SSBP3: variants seen among roughly 807,000 people sequenced by gnomAD.
SSBP3 encodes the protein single-stranded DNA-binding protein 3.
In SSBP3, 5 loss-of-function variants were observed where a neutral mutation model predicts 69.6. The observed-to-expected ratio is 0.07, with a 90% CI of 0.04 to 0.15. The LOEUF (loss-of-function observed/expected upper bound fraction) is 0.15, where lower values mean the gene tolerates loss of function less well. Among genes scored for constraint, SSBP3 ranks in the 10% least tolerant of loss-of-function variants. The pLI, the probability that SSBP3 is intolerant of heterozygous loss-of-function variation, is 1.00. For missense variants in SSBP3, 312 were observed against 534.0 expected, an observed-to-expected ratio of 0.58 and a Z score of 4.10; for synonymous variants, 196 against 193.4, an observed-to-expected ratio of 1.01 and a Z score of -0.11.
At chr1:54,322,119 C>A (rs1211428371) in intron 4 of SSBP3, among the ~76,000 whole-genome samples, 1 of 152,172 alleles carries the variant, frequency 6.6e-6, no homozygotes, top group Non-Finnish European at 1.5e-5. Context: ...ATTTATGACA[C>A]CACTGTACAA....
chr1:54,242,065 C>T, intron 11 of SSBP3, 99 bp downstream of exon 11: 5 of 1,384,166 alleles, frequency 3.6e-6, no homozygotes, highest in Non-Finnish European at 3.0e-6. Context: ...CCTGCTGCAT[C>T]TCCCACTTCC....
At chr1:54,387,849 T>C (rs777259721) in intron 4 of SSBP3, among the ~76,000 whole-genome samples, 3 of 152,232 alleles carry the variant, frequency 2.0e-5, no homozygotes, top group South Asian at 2.1e-4. Flanking sequence ...ACAGGTACCC[T>C]TGCTGCACTC....
At chr1:54,362,787 C>A (rs567901855) in intron 4 of SSBP3, among the ~76,000 whole-genome samples, 2 of 152,204 alleles carry the variant, frequency 1.3e-5, no homozygotes, top group Admixed American at 6.5e-5. Flanking sequence ...CTGAGCCACA[C>A]GCTAGACTGC....
chr1:54,348,959 G>A (rs1045243100), intron 4 of SSBP3, among the ~76,000 whole-genome samples: 1 of 152,188 alleles, frequency 6.6e-6, no homozygotes, highest in Admixed American at 6.5e-5. Context: ...GCCAGAACCA[G>A]GCTAAAAACC....
At chr1:54,309,118 G>A (rs1437471140) in intron 4 of SSBP3, among the ~76,000 whole-genome samples, 1 of 152,176 alleles carries the variant, frequency 6.6e-6, no homozygotes. Flanking sequence ...CAAGCAAACG[G>A]AACACACCAA....
At chr1:54,249,064 C>A (rs1197088968) in intron 9 of SSBP3, among the ~76,000 whole-genome samples, 1 of 152,088 alleles carries the variant, frequency 6.6e-6, no homozygotes, top group Admixed American at 6.5e-5. Flanking sequence ...GCCGCTGGGA[C>A]CCTCACTTCT....
intron 4 of SSBP3, among the ~76,000 whole-genome samples, chr1:54,386,929 C>T (rs1319529275): frequency 2.0e-5 from 3 of 151,742 alleles, no homozygotes; most frequent in Admixed American, 2.0e-4. Flanking sequence ...AACAGGAGTC[C>T]CCTCCTTCTT....
At chr1:54,248,236 T>C (rs2100691545) in intron 9 of SSBP3, among the ~76,000 whole-genome samples, 1 of 152,312 alleles carries the variant, frequency 6.6e-6, no homozygotes, top group Non-Finnish European at 1.5e-5. Context: ...GTGTGTGTTG[T>C]GGTGCTTACT....
chr1:54,322,196 GACCA>G (rs1646225333), intron 4 of SSBP3, among the ~76,000 whole-genome samples: 1 of 152,180 alleles, frequency 6.6e-6, no homozygotes, highest in Non-Finnish European at 1.5e-5. Flanking sequence ...GGGACAGGCT[GACCA>G]GGCAGGAGAA....
chr1:54,243,219 G>T lies in SSBP3; in HGVS notation c.716+16C>A, dbSNP rs534286014. The T allele has an allele frequency of 1.9e-6, 3 of 1,613,224 alleles. No homozygotes were observed. The highest frequency in any genetic ancestry group is 4.5e-5 in the East Asian group (2 of 44,862). On this transcript the variant is annotated intron_variant, in intron 10 of 17. Coordinates refer to ENST00000610401, the Ensembl canonical transcript of SSBP3. ...ACCTGGACTCTGAGCCACGGGCCGG[G>T]TCGTTTTTGCCTTACATGTTAATCC...
intron 4 of SSBP3, among the ~76,000 whole-genome samples, chr1:54,382,470 C>A (rs374371849): frequency 2.6e-5 from 4 of 152,122 alleles, no homozygotes; most frequent in Non-Finnish European, 4.4e-5. Flanking sequence ...TCTTTGCTTC[C>A]GTAGCCAAAC....
intron 4 of SSBP3, among the ~76,000 whole-genome samples, chr1:54,315,408 GCA>G (rs930944512): frequency 1.9e-4 from 29 of 152,236 alleles, no homozygotes; most frequent in African/African-American, 7.0e-4. Context: ...ACTATGAGAA[GCA>G]CACAGCAGAT....
chr1:54,353,197 T>C (rs1646810315), intron 4 of SSBP3, among the ~76,000 whole-genome samples: 1 of 152,132 alleles, frequency 6.6e-6, no homozygotes, highest in African/African-American at 2.4e-5. Context: ...GATACACAAG[T>C]TTGTTTTATT....
Position 54,328,197 on chromosome 1 carries a change from C to T in SSBP3, c.277-46670G>A, listed in dbSNP as rs573447476. On this transcript the variant is annotated intron_variant, in intron 4 of 17. Coordinates refer to ENST00000610401, the Ensembl canonical transcript of SSBP3. ...CTCTCTCCTTGCAAGCAACAGGGCCCGCAGCGAACAATGAGTCAGAGGCAA... is the reference window on the plus strand; with the variant it reads ...CTCTCTCCTTGCAAGCAACAGGGCCTGCAGCGAACAATGAGTCAGAGGCAA... 3.9e-5 allele frequency among the ~76,000 whole-genome samples: 6 copies of T among 152,202 alleles called. 1 individual carries two copies. The highest frequency in any genetic ancestry group is 8.8e-5 in the Non-Finnish European group (6 of 68,006).
At chr1:54,269,038 A>G (rs1645148046) in intron 5 of SSBP3, among the ~76,000 whole-genome samples, 1 of 152,182 alleles carries the variant, frequency 6.6e-6, no homozygotes, top group African/African-American at 2.4e-5. Context: ...TACCAAGGGT[A>G]GCTCTTAATA....
intron 4 of SSBP3, among the ~76,000 whole-genome samples, chr1:54,372,961 G>A (rs557719385): frequency 5.3e-5 from 8 of 152,292 alleles, no homozygotes; most frequent in African/African-American, 1.9e-4. Context: ...TTTGTTGGGA[G>A]GCAGGGGGAG....
chr1:54,401,925 C>T, exon 4 of SSBP3: 1 of 1,613,998 alleles, frequency 6.2e-7, no homozygotes, highest in Non-Finnish European at 8.5e-7. Flanking sequence ...AGGAGCTGCA[C>T]AGTAAAGGTC....
chr1:54,233,179 G>A (rs546262887), intron 14 of SSBP3, among the ~76,000 whole-genome samples: 30 of 151,542 alleles, frequency 2.0e-4, no homozygotes, highest in African/African-American at 6.8e-4. Flanking sequence ...AGTGAGGAGC[G>A]TCTCTGCCCG....
chr1:54,245,638 C>CA (rs1644721737), intron 9 of SSBP3, among the ~76,000 whole-genome samples: 1 of 152,146 alleles, frequency 6.6e-6, no homozygotes, highest in Admixed American at 6.5e-5. Context: ...GGCTGGCTGA[C>CA]AAAGAGCCAG....
Sources: gnomAD v4.1 joint callset for allele counts (sites outside exome capture counted in the v4.1 genomes callset) on GRCh38, gnomAD v4.1.1 for gene constraint, MANE v1.5 for transcripts, NCBI Gene and HGNC (gene_info 2026-07-23, HGNC 2026-07-21) for gene names.